SEC16A: variants seen among roughly 807,000 people sequenced by gnomAD.
SEC16A encodes SEC16 homolog A, endoplasmic reticulum export factor.
Under a neutral mutation model 221.9 loss-of-function variants are expected in SEC16A, and 110 were observed. The observed-to-expected ratio is 0.50, with a 90% CI of 0.42 to 0.58. The LOEUF is 0.58. Ranked by LOEUF, SEC16A falls within the 20% of genes least tolerant of loss-of-function variation. The pLI is 0.00. For synonymous variants in SEC16A, 1,393 were observed against 1,257.7 expected (o/e 1.11, Z -2.28); for missense variants, 3,165 against 3,097.8 (o/e 1.02, Z -0.52).
chr9:136,450,760 C>A (rs1320078889), intron 23 of SEC16A, among the ~76,000 whole-genome samples: 1 of 152,178 alleles, frequency 6.6e-6, no homozygotes, highest in African/African-American at 2.4e-5. Context: ...AGCAGTGTCT[C>A]CTAAAGCTGA....
At chr9:136,454,823 G>A (rs909822746) in intron 20 of SEC16A, among the ~76,000 whole-genome samples, 1 of 152,270 alleles carries the variant, frequency 6.6e-6, no homozygotes, top group African/African-American at 2.4e-5. Flanking sequence ...GTAAGAGAAA[G>A]CGCTAAGGAC....
At chr9:136,457,104 C>T (rs556452814) in intron 18 of SEC16A, among the ~76,000 whole-genome samples, 6 of 152,276 alleles carry the variant, frequency 3.9e-5, no homozygotes, top group Non-Finnish European at 5.9e-5. Flanking sequence ...ATCTGGGAGG[C>T]GGAGGTTGCA....
intron 1 of SEC16A, 141 bp downstream of exon 1, chr9:136,482,797 A>T (rs1331390917): frequency 5.5e-6 from 1 of 182,922 alleles, no homozygotes; most frequent in Non-Finnish European, 1.0e-5. Context: ...CCCCGGCGGG[A>T]CCCGAGATGC....
rs950973526 is a variant in SEC16A, at chr9:136,440,632, G to A, written c.*1123C>T. 6.6e-6 allele frequency: 1 copy of A among 152,598 alleles called. No homozygotes were observed. Among genetic ancestry groups the A allele is most frequent in the Non-Finnish European group, 1.5e-5 (1 of 68,052 alleles). The allele number at this position is 152,598 out of a possible 1,614,324, so 9.5% of individuals were successfully genotyped here. A position where few individuals can be genotyped will look rare whatever the true frequency, so the allele number is the denominator to read the frequency against. ...GCCTTAAAGCTTTGCATCAGTGAGA[G>A]GAGGCCCGTCTCTGAGTTGAACAGG... On this transcript the variant is annotated 3_prime_UTR_variant, in exon 32 of 32. Transcript: ENST00000684901.
chr9:136,464,555 T>C lies in SEC16A; in HGVS notation c.4311A>G (p.Ser1437=). The change falls in exon 9 of 32, where the codon TCA becomes TCG. Residue 1437 remains serine, a synonymous_variant. Transcript: ENST00000684901. ...AAAATTTTTCAGGAGAAGTTGGTCT[T>C]GATGAAACTGCATTTAAAATAAATT... The part of the protein sequence containing the change: ...TVWPAMEQVS[S]RPTSPEKFSV... 2 of 1,597,886 alleles carry C rather than the reference T, an allele frequency of 1.3e-6. No individual in the cohort carries two copies. The highest frequency in any genetic ancestry group is 2.2e-5 in the South Asian group (2 of 90,546).
In SEC16A at chr9:136,447,139, G is replaced by C. The variant is rs1837109021; in HGVS notation, c.6697+88C>G. 4 of 1,521,688 alleles carry C rather than the reference G, an allele frequency of 2.6e-6. No homozygotes were observed. The East Asian group carries it at 7.3e-5, about 28-fold the overall frequency. The allele number at this position is 1,521,688 out of a possible 1,614,324, so 94.3% of individuals were successfully genotyped here. A position where few individuals can be genotyped will look rare whatever the true frequency, so the allele number is the denominator to read the frequency against. On this transcript the variant is annotated intron_variant, in intron 27 of 31. Transcript: ENST00000684901. The surrounding 1 kb of genome is among the most constrained non-coding windows in gnomAD (Gnocchi z 5.5). ...ATGCTGGCCAGGTCATTCTTTTAAC[G>C]GGAGATTTAGGAGAGACTCATAGAA...
chr9:136,484,696 G>A, upstream of SEC16A: 3 of 1,366,552 alleles, frequency 2.2e-6, no homozygotes, highest in Non-Finnish European at 2.9e-6. Flanking sequence ...CGCAGGCGGT[G>A]CAGGGAGAGC....
Position 136,475,843 on chromosome 9 carries a change from G to A in SEC16A, c.1773C>T (p.Pro591=), listed in dbSNP as rs759540982. ...TAGGTTTCGGGGGGCTCGGGGTTGA[G>A]GGCTGGGACACGCTGCCACGGTAAT... ...SQNYRGSVSQ[P]STPSPPKPTG... is the part of the protein sequence containing the mutation. Residue 591 remains proline (P), a synonymous_variant, in exon 3 of 32, where the codon CCC becomes CCT. Coordinates refer to ENST00000684901, the MANE Select transcript of SEC16A (RefSeq NM_014866.2). The surrounding 1 kb of genome is among the most constrained non-coding windows in gnomAD (Gnocchi z 5.0). 1 of 1,588,440 alleles carries A rather than the reference G, an allele frequency of 6.3e-7. No homozygotes were observed. The highest frequency in any genetic ancestry group is 1.1e-5 in the South Asian group (1 of 88,064).
Position 136,441,681 on chromosome 9 carries a change from G to A in SEC16A, c.*74C>T, listed in dbSNP as rs568544646. 2.6e-4 allele frequency: 354 copies of A among 1,370,726 alleles called. 1 individual carries two copies. Among genetic ancestry groups the A allele is most frequent in the Admixed American group, 9.9e-4 (58 of 58,412 alleles). 84.9% of individuals were successfully genotyped at this position (1,370,726 alleles called of 1,614,324 possible). A position where few individuals can be genotyped will look rare whatever the true frequency, so the allele number is the denominator to read the frequency against. On this transcript the variant is annotated 3_prime_UTR_variant, in exon 32 of 32. Transcript: ENST00000684901. ...TCTCCCTGGGGGCGGGACGGAGATC[G>A]CGGAGGTCGGTCGGGTTCTTCGGGG...
upstream of SEC16A, chr9:136,483,576 G>A: frequency 1.0e-6 from 1 of 985,274 alleles, no homozygotes; most frequent in Non-Finnish European, 1.2e-6. Flanking sequence ...ACGTCGCCCT[G>A]TTTACGCTGG....
rs200974666 is a variant in SEC16A at position 136,474,991 on chromosome 9, G to T, written c.2625C>A (p.Leu875=). The change falls in exon 3 of 32, where the codon CTC becomes CTA. Residue 875 remains leucine (L), a synonymous_variant. Transcript: ENST00000684901. ...GDRPAVSSWA[L]GGDSGENTSL... ...AAGTGTTCTCCCCAGAATCACCACC[G>T]AGAGCCCAACTGCTGACTGCAGGTC... 15 of 1,613,640 alleles carry T rather than the reference G, an allele frequency of 9.3e-6. No homozygotes were observed. Among genetic ancestry groups the T allele is most frequent in the Non-Finnish European group, 2.5e-6 (3 of 1,179,838 alleles).
Position 136,466,562 on chromosome 9 carries a change from G to T in SEC16A, c.3930-100C>A. On this transcript the variant is annotated intron_variant, in intron 6 of 31. Transcript: ENST00000684901. This position sits in a 1 kb window ranked among gnomAD's most constrained non-coding sequence, Gnocchi z 5.5. The stretch of plus-strand genomic sequence containing the variant: ...CCAGGAGCTGAGACCGAGACCCCTG[G>T]GGCCGAGGCACAACACAGCACACCC... 8.6e-7 allele frequency: 1 copy of T among 1,166,438 alleles called. No homozygotes were observed. Among genetic ancestry groups the T allele is most frequent in the Non-Finnish European group, 1.2e-6 (1 of 840,156 alleles). 72.3% of individuals were successfully genotyped at this position (1,166,438 alleles called of 1,614,324 possible).
intron 4 of SEC16A, among the ~76,000 whole-genome samples, chr9:136,471,183 C>A (rs1022272901): frequency 1.3e-5 from 2 of 151,738 alleles, no homozygotes; most frequent in African/African-American, 4.8e-5. Flanking sequence ...GAAACATAGG[C>A]TGGCCGGGCG....
Position 136,456,116 on chromosome 9 carries a change from T to C in SEC16A, c.5601A>G (p.Glu1867=). ...LFDPQLKEKP[E]EESLAAPTWL... ...ACGTGGGTGCGGCCAAGGACTCCTC[T>C]TCTGGCTTCTCTTTCAGCTGGGGAT... Residue 1867 remains glutamate (E), a synonymous_variant, in exon 19 of 32, where the codon GAA becomes GAG. Coordinates refer to ENST00000684901, the MANE Select transcript of SEC16A (RefSeq NM_014866.2). The C allele has an allele frequency of 3.1e-6, 5 of 1,612,810 alleles. No individual in the cohort carries two copies. The highest frequency in any genetic ancestry group is 3.4e-6 in the Non-Finnish European group (4 of 1,179,842).
At chr9:136,460,237 C>CTG in intron 13 of SEC16A, 114 bp from the exon 14 acceptor site, 1 of 742,422 alleles carries the variant, frequency 1.3e-6, no homozygotes, top group Non-Finnish European at 2.3e-6. Flanking sequence ...CCAAAGTGGG[C>CTG]GGATCACCTG....
In SEC16A at chr9:136,447,935, G is replaced by C; in HGVS notation, c.6391-26C>G. The C allele has an allele frequency of 3.8e-6, 6 of 1,593,716 alleles. No homozygotes were observed. Among genetic ancestry groups the C allele is most frequent in the Admixed American group, 1.8e-5 (1 of 56,612 alleles). On this transcript the variant is annotated intron_variant, in intron 24 of 31. Coordinates refer to ENST00000684901, the MANE Select transcript of SEC16A (RefSeq NM_014866.2). This position sits in a 1 kb window ranked among gnomAD's most constrained non-coding sequence, Gnocchi z 5.5. ...CTGCCAAGATTTTAAAAAGAAAAAAGGTCAGCAGACTGAACCTAAACAGAA... is the reference window on the plus strand; with the variant it reads ...CTGCCAAGATTTTAAAAAGAAAAAACGTCAGCAGACTGAACCTAAACAGAA...
In SEC16A at chr9:136,440,765, A is replaced by G. The variant is rs1836104802; in HGVS notation, c.*990T>C. ...AAACTGTGTTAAGATACTCTCCCCA[A>G]GTGCTACCAACCTCTGAACCAACGT... is the stretch of plus-strand genomic sequence containing the variant. On this transcript the variant is annotated 3_prime_UTR_variant, in exon 32 of 32. Transcript: ENST00000684901. 6.6e-6 allele frequency: 1 copy of G among 152,466 alleles called. No homozygotes were observed. Among genetic ancestry groups the G allele is most frequent in the African/African-American group, 2.4e-5 (1 of 41,458 alleles). 9.4% of individuals were successfully genotyped at this position (152,466 alleles called of 1,614,324 possible). A position where few individuals can be genotyped will look rare whatever the true frequency, so the allele number is the denominator to read the frequency against.
intron 4 of SEC16A, among the ~76,000 whole-genome samples, chr9:136,471,730 T>C (rs576554692): frequency 8.5e-5 from 13 of 152,304 alleles, no homozygotes; most frequent in Admixed American, 3.3e-4. Context: ...CTGGCCCCAG[T>C]AGGGGTGGCG....
At chr9:136,445,804 T>G in intron 28 of SEC16A, 85 bp from the exon 29 acceptor site, 1 of 1,212,198 alleles carries the variant, frequency 8.2e-7, no homozygotes, top group Non-Finnish European at 1.2e-6. Context: ...GAAACTGTTC[T>G]GGCCTGGGTT....
Sources: allele counts gnomAD v4.1 joint callset (sites outside exome capture counted in the v4.1 genomes callset), GRCh38; gene constraint gnomAD v4.1.1; non-coding constraint Gnocchi (gnomAD v3.1); transcripts MANE v1.5; gene names NCBI Gene and HGNC (gene_info 2026-07-23, HGNC 2026-07-21).